Variants in MCCC1 observed in about 807,000 individuals in gnomAD.
The protein encoded by MCCC1 is methylcrotonyl-CoA carboxylase subunit 1, also known as methylcrotonoyl-CoA carboxylase subunit alpha, mitochondrial.
Under a neutral mutation model 83.8 loss-of-function variants are expected in MCCC1, and 64 were observed. The observed-to-expected ratio is 0.76, with a 90% CI of 0.62 to 0.94. The LOEUF (loss-of-function observed/expected upper bound fraction) is 0.94, where lower values mean the gene tolerates loss of function less well. Among genes scored for constraint, MCCC1 ranks in the 40% least tolerant of loss-of-function variants. MCCC1 has a pLI of 0.00. For synonymous variants in MCCC1, 322 were observed against 315.4 expected (o/e 1.02, Z -0.22); for missense variants, 807 against 904.7 (o/e 0.89, Z 1.39).
At chr3:183,061,915 G>T (rs1204684408) in intron 7 of MCCC1, among the ~76,000 whole-genome samples, 1 of 152,216 alleles carries the variant, frequency 6.6e-6, no homozygotes, top group African/African-American at 2.4e-5. Flanking sequence ...ATCCCCATGT[G>T]TGGTGGGAGG....
rs1715512580 is a variant in MCCC1, at chr3:183,057,488, C to A, written c.762-66G>T. ...GGTGATAAATATCACATTCGTTAAG[C>A]TAAACTGTTAGGCACAATCACCAGG... On this transcript the variant is annotated intron_variant, in intron 7 of 18. Coordinates refer to ENST00000265594, the MANE Select transcript of MCCC1 (RefSeq NM_020166.5). 9 of 1,252,552 alleles carry A rather than the reference C, an allele frequency of 7.2e-6. 1 individual carries two copies. The South Asian group carries it at 1.2e-4, about 16-fold the overall frequency. The allele number at this position is 1,252,552 out of a possible 1,614,324, so 77.6% of individuals were successfully genotyped here.
At position 183,106,081 on chromosome 3, in the gene MCCC1, T is replaced by TAAAAAAAAAAAAAA. The variant is rs563718218; in HGVS notation, c.-102+9379_-102+9392dup. On this transcript the variant is annotated intron_variant, in intron 1 of 17. Coordinates refer to the MCCC1 transcript ENST00000492597. ...TCCAGCCTGAGCAACAGAGAGTCCGTAAAAAAAAAAAAAAAGACTACCAAA... is the reference window on the plus strand; with the variant it reads ...TCCAGCCTGAGCAACAGAGAGTCCGTAAAAAAAAAAAAAAAAAAAAAAAAAAAAAGACTACCAAA... Among the ~76,000 whole-genome samples the TAAAAAAAAAAAAAA allele has an allele frequency of 1.4e-4, 14 of 101,060 alleles. 1 individual carries two copies. Among genetic ancestry groups the TAAAAAAAAAAAAAA allele is most frequent in the African/African-American group, 2.9e-4 (8 of 27,802 alleles). 66.3% of individuals were successfully genotyped at this position (101,060 alleles called of 152,430 possible). A position where few individuals can be genotyped will look rare whatever the true frequency, so the allele number is the denominator to read the frequency against.
At chr3:183,035,836 T>A (rs561339466) in intron 13 of MCCC1, among the ~76,000 whole-genome samples, 1 of 152,278 alleles carries the variant, frequency 6.6e-6, no homozygotes, top group African/African-American at 2.4e-5. Flanking sequence ...AGAACTTTTT[T>A]TTTTTAATAC....
At chr3:183,068,424 G>A (rs552023215) in intron 7 of MCCC1, among the ~76,000 whole-genome samples, 12 of 152,298 alleles carry the variant, frequency 7.9e-5, no homozygotes, top group East Asian at 5.8e-4. Context: ...CCATGGCAAC[G>A]TCAGGAAGTT....
intron 10 of MCCC1, 105 bp downstream of exon 10, chr3:183,045,308 G>C: frequency 7.4e-7 from 1 of 1,351,068 alleles, no homozygotes; most frequent in Non-Finnish European, 1.0e-6. Flanking sequence ...TCGAACTCCT[G>C]ACCTCAGGTG....
At chr3:183,017,390 T>A in intron 17 of MCCC1, 53 bp from the exon 18 acceptor site, 1 of 1,548,346 alleles carries the variant, frequency 6.5e-7, no homozygotes, top group East Asian at 2.2e-5. Flanking sequence ...GTCCTAGATA[T>A]GTTCATCTGC....
intron 3 of MCCC1, 79 bp from the exon 4 acceptor site, chr3:183,086,867 C>A: frequency 7.8e-7 from 1 of 1,280,598 alleles, no homozygotes; most frequent in Non-Finnish European, 1.1e-6. Flanking sequence ...GCTTCAGGGT[C>A]ATTTTATTAT....
chr3:183,018,515 T>C (rs1308364075), intron 17 of MCCC1, among the ~76,000 whole-genome samples: 5 of 143,422 alleles, frequency 3.5e-5, no homozygotes, highest in Non-Finnish European at 7.8e-5. Context: ...CCAAATGCAC[T>C]AGTCAAATGA....
At chr3:183,097,045 A>C (rs1436684489) in intron 1 of MCCC1, among the ~76,000 whole-genome samples, 2 of 152,192 alleles carry the variant, frequency 1.3e-5, no homozygotes, top group Non-Finnish European at 2.9e-5. Context: ...GGAGAAAGAG[A>C]CAGAGATCCC....
At chr3:183,026,711 A>G (rs2108448218) in intron 14 of MCCC1, among the ~76,000 whole-genome samples, 1 of 152,294 alleles carries the variant, frequency 6.6e-6, no homozygotes, top group South Asian at 2.1e-4. Flanking sequence ...CTCCATCTCA[A>G]GAAAAAAAAA....
At chr3:183,113,335 G>A (rs577481995) in intron 1 of MCCC1, among the ~76,000 whole-genome samples, 1 of 146,668 alleles carries the variant, frequency 6.8e-6, no homozygotes, top group African/African-American at 2.5e-5. Context: ...ACCAAACACC[G>A]CTGTTCTCAC....
At chr3:183,107,476 T>G (rs1719424574) in intron 1 of MCCC1, among the ~76,000 whole-genome samples, 1 of 151,468 alleles carries the variant, frequency 6.6e-6, no homozygotes, top group South Asian at 2.1e-4. Flanking sequence ...GACTCTTAGG[T>G]CACTTAATTT....
chr3:183,106,583 C>T (rs1350466381), intron 1 of MCCC1, among the ~76,000 whole-genome samples: 2 of 151,908 alleles, frequency 1.3e-5, no homozygotes, highest in African/African-American at 2.4e-5. Flanking sequence ...ACTGCAACCT[C>T]AGCCTCCCAG....
chr3:183,057,489 T>C, intron 7 of MCCC1, 67 bp from the exon 8 acceptor site: 1 of 1,239,532 alleles, frequency 8.1e-7, no homozygotes, highest in Non-Finnish European at 1.2e-6. Flanking sequence ...TTCGTTAAGC[T>C]AAACTGTTAG....
rs1472137664 is a variant in MCCC1, at chr3:183,064,772, A to G, written c.761+6227T>C. 1.3e-5 allele frequency among the ~76,000 whole-genome samples: 2 copies of G among 152,238 alleles called. No individual in the cohort carries two copies. Among genetic ancestry groups the G allele is most frequent in the Non-Finnish European group, 2.9e-5 (2 of 68,038 alleles). ...GGCGAAGCGGGTAATGTAGGGGTGC[A>G]GCACCGGCAGGAGGCGCCTCAGAGC... On this transcript the variant is annotated intron_variant, in intron 7 of 18. Transcript: ENST00000265594. The surrounding 1 kb of genome is among the most constrained non-coding windows in gnomAD (Gnocchi z 4.5).
At chr3:183,060,788 T>C (rs936921106) in intron 7 of MCCC1, among the ~76,000 whole-genome samples, 6 of 151,328 alleles carry the variant, frequency 4.0e-5, no homozygotes, top group Non-Finnish European at 8.8e-5. Context: ...AGTGTTCTCA[T>C]TGTTCAATTC....
intron 10 of MCCC1, among the ~76,000 whole-genome samples, chr3:183,045,070 C>A (rs1714432927): frequency 6.6e-6 from 1 of 151,312 alleles, no homozygotes; most frequent in Admixed American, 6.6e-5. Flanking sequence ...TCAGCCCTCA[C>A]ATCCCTCCCA....
intron 17 of MCCC1, among the ~76,000 whole-genome samples, chr3:183,019,516 G>A (rs550133350): frequency 6.6e-6 from 1 of 152,282 alleles, no homozygotes; most frequent in East Asian, 1.9e-4. Context: ...TATGAAATCG[G>A]TAAGTAGACT....
intron 7 of MCCC1, 114 bp from the exon 8 acceptor site, chr3:183,057,536 T>C: frequency 1.2e-6 from 1 of 865,886 alleles, no homozygotes; most frequent in Middle Eastern, 2.3e-4. Flanking sequence ...TTACTTCCTT[T>C]AAGTAAGATC....
Sources: gnomAD v4.1 joint callset for allele counts (sites outside exome capture counted in the v4.1 genomes callset) on GRCh38, gnomAD v4.1.1 for gene constraint, Gnocchi (gnomAD v3.1) non-coding constraint, MANE v1.5 for transcripts, NCBI Gene and HGNC (gene_info 2026-07-23, HGNC 2026-07-21) for gene names.